The following ABCB1 variants were observed in gnomAD, a reference collection of about 807,000 sequenced individuals.
The protein encoded by ABCB1 is ATP-dependent translocase ABCB1.
Under a neutral mutation model 142.0 loss-of-function variants are expected in ABCB1, and 69 were observed. The observed-to-expected ratio is 0.49, with a 90% CI of 0.40 to 0.59. The LOEUF is 0.59. ABCB1 is among the 20% of genes least tolerant of loss of function. The probability of loss-of-function intolerance (pLI) is 0.00; values close to 1 mark genes in which losing one functional copy is unlikely to be tolerated. For missense variants in ABCB1, 1,326 were observed against 1,554.7 expected, an observed-to-expected ratio of 0.85 and a Z score of 2.47; for synonymous variants, 532 against 539.2, an observed-to-expected ratio of 0.99 and a Z score of 0.18.
intron 14 of ABCB1, among the ~76,000 whole-genome samples, chr7:87,546,425 A>G (rs376119959): frequency 2.0e-5 from 3 of 152,190 alleles, no homozygotes; most frequent in Non-Finnish European, 2.9e-5. Flanking sequence ...CATCTCTACT[A>G]AAAATACAAA....
chr7:87,523,107 C>G (rs538454058), intron 21 of ABCB1, among the ~76,000 whole-genome samples: 1 of 149,010 alleles, frequency 6.7e-6, no homozygotes, highest in Non-Finnish European at 1.5e-5. Context: ...AGAAAACTAA[C>G]TTTTTTTTTT....
chr7:87,700,970 T>C (rs891814036), intron 1 of ABCB1, among the ~76,000 whole-genome samples: 1 of 152,220 alleles, frequency 6.6e-6, no homozygotes, highest in Non-Finnish European at 1.5e-5. Context: ...CAGTATTTTC[T>C]TTTAAAGGCA....
At chr7:87,708,559 A>G (rs1222560637) in intron 1 of ABCB1, among the ~76,000 whole-genome samples, 1 of 152,168 alleles carries the variant, frequency 6.6e-6, no homozygotes, top group Non-Finnish European at 1.5e-5. Context: ...TGGGTTTTTA[A>G]GAGTTAATTG....
At chr7:87,555,569 T>G (rs1211744062) in intron 8 of ABCB1, among the ~76,000 whole-genome samples, 2 of 152,194 alleles carry the variant, frequency 1.3e-5, no homozygotes, top group Non-Finnish European at 2.9e-5. Flanking sequence ...ATCACTACCG[T>G]GTTCACTAAA....
intron 1 of ABCB1, among the ~76,000 whole-genome samples, chr7:87,683,590 A>T (rs1390870951): frequency 6.6e-6 from 1 of 152,220 alleles, no homozygotes; most frequent in African/African-American, 2.4e-5. Flanking sequence ...GAGCATTCAG[A>T]ACACACACAT....
chr7:87,697,619 C>T (rs1828605306), intron 1 of ABCB1, among the ~76,000 whole-genome samples: 1 of 152,156 alleles, frequency 6.6e-6, no homozygotes, highest in Non-Finnish European at 1.5e-5. Context: ...GCAAGGAGAG[C>T]TTGGTCCCTG....
intron 1 of ABCB1, among the ~76,000 whole-genome samples, chr7:87,607,266 C>T (rs1471311969): frequency 6.6e-6 from 1 of 152,040 alleles, no homozygotes; most frequent in Non-Finnish European, 1.5e-5. Flanking sequence ...TAACTAAGCA[C>T]CATATACCTC....
Position 87,608,547 on chromosome 7 carries a change from A to G in ABCB1, c.-330-7469T>C, listed in dbSNP as rs144532517. ...ACCTATTTCCTCATTCTCTTAATTT[A>G]TAACCAAACCCTTTGCCCTAAGATA... is the stretch of plus-strand genomic sequence containing the variant. On this transcript the variant is annotated intron_variant, in intron 1 of 28. Coordinates refer to the ABCB1 transcript ENST00000265724. Among the ~76,000 whole-genome samples the G allele has an allele frequency of 7.8e-4, 119 of 152,326 alleles. 1 individual carries two copies. Among genetic ancestry groups the G allele is most frequent in the African/African-American group, 2.7e-3 (111 of 41,576 alleles).
intron 1 of ABCB1, among the ~76,000 whole-genome samples, chr7:87,693,389 T>C (rs181974099): frequency 1.3e-5 from 2 of 152,308 alleles, no homozygotes; most frequent in Admixed American, 6.5e-5. Flanking sequence ...AAAAAATGAA[T>C]GGCTACATTT....
At chr7:87,538,157 C>T (rs1306292503) in intron 19 of ABCB1, among the ~76,000 whole-genome samples, 1 of 152,218 alleles carries the variant, frequency 6.6e-6, no homozygotes, top group East Asian at 1.9e-4. Context: ...TTCCACAAAC[C>T]ATCAGCTCAG....
intron 7 of ABCB1, among the ~76,000 whole-genome samples, chr7:87,563,726 C>G (rs917817869): frequency 6.6e-6 from 1 of 152,008 alleles, no homozygotes; most frequent in African/African-American, 2.4e-5. Flanking sequence ...AAGCATTCCC[C>G]TTGAAAACTG....
chr7:87,537,319 C>T (rs1816342270), intron 19 of ABCB1, among the ~76,000 whole-genome samples: 1 of 152,208 alleles, frequency 6.6e-6, no homozygotes, highest in Non-Finnish European at 1.5e-5. Context: ...AGACTTTACC[C>T]TGTGAGCTAC....
chr7:87,575,616 G>T (rs984054353), intron 4 of ABCB1, among the ~76,000 whole-genome samples: 2 of 151,876 alleles, frequency 1.3e-5, no homozygotes, highest in Admixed American at 6.6e-5. Context: ...TCCATCAACC[G>T]CAGGGAAGGG....
chr7:87,693,111 A>AT (rs1828164151), intron 1 of ABCB1, among the ~76,000 whole-genome samples: 1 of 152,168 alleles, frequency 6.6e-6, no homozygotes, highest in African/African-American at 2.4e-5. Context: ...AGGAAATGTT[A>AT]TTTTTTGGGA....
At chr7:87,590,934 A>C (rs1412576369) in intron 3 of ABCB1, among the ~76,000 whole-genome samples, 3 of 152,226 alleles carry the variant, frequency 2.0e-5, no homozygotes, top group East Asian at 1.9e-4. Context: ...TAAAGTCTTG[A>C]CCAGGTGTGG....
intron 1 of ABCB1, among the ~76,000 whole-genome samples, chr7:87,689,973 C>T (rs1827858273): frequency 6.6e-6 from 1 of 151,908 alleles, no homozygotes; most frequent in African/African-American, 2.4e-5. Flanking sequence ...GTTTAAATAG[C>T]TGTCATAGAT....
At chr7:87,693,914 C>A in intron 1 of ABCB1, 1 of 1,608,440 alleles carries the variant, frequency 6.2e-7, no homozygotes, top group Non-Finnish European at 8.5e-7. Context: ...AAAGAGATTT[C>A]CCAAAGTTGC....
chr7:87,535,539 C>T (rs192993513), intron 20 of ABCB1, among the ~76,000 whole-genome samples: 228 of 152,116 alleles, frequency 1.5e-3, no homozygotes, highest in African/African-American at 5.1e-3. Flanking sequence ...GTTTTGTTTG[C>T]TTTAGGCAAA....
At chr7:87,625,047 G>A (rs1010637842) in intron 1 of ABCB1, among the ~76,000 whole-genome samples, 11 of 152,176 alleles carry the variant, frequency 7.2e-5, no homozygotes, top group Non-Finnish European at 1.5e-4. Context: ...ACGAGGTCAG[G>A]AGATCGAGAC....
Sources: gnomAD v4.1 joint callset for allele counts (sites outside exome capture counted in the v4.1 genomes callset) on GRCh38, gnomAD v4.1.1 for gene constraint, MANE v1.5 for transcripts, NCBI Gene and HGNC (gene_info 2026-07-23, HGNC 2026-07-21) for gene names.